Variants in EDN3 observed in about 807,000 individuals in gnomAD.
EDN3 encodes endothelin-3.
A neutral mutation model predicts 21.4 loss-of-function variants in EDN3; 9 were observed. The ratio of observed to expected loss-of-function variants is 0.42; its 90% CI spans 0.25 to 0.73. The LOEUF is 0.73. EDN3 is among the 30% of genes least tolerant of loss of function. EDN3 has a pLI of 0.26. For synonymous variants in EDN3, 133 were observed against 126.2 expected, an observed-to-expected ratio of 1.05 and a Z score of -0.36; for missense variants, 327 against 309.4, an observed-to-expected ratio of 1.06 and a Z score of -0.43.
At chr20:59,302,522 T>C (rs530057458) in intron 2 of EDN3, among the ~76,000 whole-genome samples, 1 of 152,196 alleles carries the variant, frequency 6.6e-6, no homozygotes, top group African/African-American at 2.4e-5. Context: ...TGACTCCCAG[T>C]GTTCAGGGAA....
intron 2 of EDN3, among the ~76,000 whole-genome samples, chr20:59,314,539 G>A (rs1307210246): frequency 6.6e-6 from 1 of 152,040 alleles, no homozygotes; most frequent in East Asian, 1.9e-4. Flanking sequence ...ACAAGGAGGG[G>A]CGGGGCTGCT....
intron 2 of EDN3, among the ~76,000 whole-genome samples, chr20:59,311,842 AG>A (rs1418787953): frequency 6.6e-6 from 1 of 152,134 alleles, no homozygotes; most frequent in East Asian, 1.9e-4. Flanking sequence ...AGCTACCAAA[AG>A]GGCATTACAC....
chr20:59,320,358 T>C (rs149768), intron 2 of EDN3, among the ~76,000 whole-genome samples: 20,381 of 152,256 alleles, frequency 0.13, 3,856 homozygotes, highest in African/African-American at 0.42. Flanking sequence ...ATGGAAGAAA[T>C]TCAGTCAGAA....
chr20:59,303,139 A>C (rs1012065585), intron 2 of EDN3, among the ~76,000 whole-genome samples: 1 of 152,264 alleles, frequency 6.6e-6, no homozygotes, highest in Admixed American at 6.5e-5. Context: ...GAAATCCTTA[A>C]TACTTTCTGA....
chr20:59,301,582 C>A lies in EDN3; in HGVS notation c.225C>A (p.Ser75Arg). Residue 75 changes from serine to arginine, a missense_variant, in exon 2 of 5, where the codon AGC (serine) becomes AGA (arginine). Coordinates refer to ENST00000337938, the MANE Select transcript of EDN3 (RefSeq NM_207034.3). ...TVAPTALQGP[S>R]PGSPGQEQAA... Reference sequence around the variant, plus strand: ...CCCCGACAGCACTGCAGGGTCCAAGCCCTGGAAGCCCTGGGCAGGAGCAGG... The same window carrying A: ...CCCCGACAGCACTGCAGGGTCCAAGACCTGGAAGCCCTGGGCAGGAGCAGG... The A allele has an allele frequency of 1.2e-6, 2 of 1,613,892 alleles. No individual in the cohort carries two copies. The highest frequency in any genetic ancestry group is 1.7e-6 in the Non-Finnish European group (2 of 1,179,942).
intron 2 of EDN3, among the ~76,000 whole-genome samples, chr20:59,303,245 A>G (rs1989170276): frequency 6.6e-6 from 1 of 152,194 alleles, no homozygotes; most frequent in South Asian, 2.1e-4. Context: ...GTCCACCTAG[A>G]GGATGGGAGG....
At chr20:59,317,111 C>G (rs888732880) in intron 2 of EDN3, among the ~76,000 whole-genome samples, 1 of 152,206 alleles carries the variant, frequency 6.6e-6, no homozygotes, top group Non-Finnish European at 1.5e-5. Flanking sequence ...CATGGTCCAC[C>G]GTTAGGTCTT....
In EDN3 at chr20:59,324,390, G is replaced by T; in HGVS notation, c.648G>T (p.Met216Ile). 6.2e-7 allele frequency: 1 copy of T among 1,614,002 alleles called. No individual in the cohort carries two copies. The highest frequency in any genetic ancestry group is 8.5e-7 in the Non-Finnish European group (1 of 1,180,014). Residue 216 changes from methionine (M) to isoleucine (I), a missense_variant, in exon 5 of 5, where the codon ATG (methionine) becomes ATT (isoleucine). Transcript: ENST00000337938. ...TAGACCTCCACCATCCAAAGCTCAT[G>T]CCCGGCAGTGGACTCGCCCTCGCTC... ...QALDLHHPKLMPGSGLALAPS... is the reference protein window; with the variant it reads ...QALDLHHPKLIPGSGLALAPS...
intron 2 of EDN3, among the ~76,000 whole-genome samples, chr20:59,303,756 C>G (rs1989206340): frequency 1.3e-5 from 2 of 152,172 alleles, no homozygotes; most frequent in African/African-American, 2.4e-5. Context: ...TCGAGTTTGT[C>G]CTGAAATGAA....
At chr20:59,316,175 ACT>A (rs1466601322) in intron 2 of EDN3, among the ~76,000 whole-genome samples, 5 of 152,224 alleles carry the variant, frequency 3.3e-5, no homozygotes, top group Admixed American at 2.0e-4. Flanking sequence ...ACAGAGTGAG[ACT>A]CTGTCTCAAA....
intron 4 of EDN3, chr20:59,323,672 T>A (rs1990680594): frequency 2.5e-6 from 1 of 399,734 alleles, no homozygotes; most frequent in African/African-American, 2.1e-5. Context: ...CCAGGTGACC[T>A]GAAGGAAGGC....
intron 2 of EDN3, among the ~76,000 whole-genome samples, chr20:59,302,025 G>A (rs548624690): frequency 6.6e-6 from 1 of 152,298 alleles, no homozygotes; most frequent in South Asian, 2.1e-4. Flanking sequence ...TACCTGAGAT[G>A]TCTCTCTGAG....
rs557145339 is a variant in EDN3 at position 59,303,538 on chromosome 20, C to A, written c.365+1816C>A. Among the ~76,000 whole-genome samples the A allele has an allele frequency of 8.5e-5, 13 of 152,330 alleles. No homozygotes were observed. The South Asian group carries it at 2.7e-3, about 32-fold the overall frequency. ...AGAAAGAAGAAAGCTAATGGAATTA[C>A]AGACAGGAACCTGGGGTGGTGGGCA... On this transcript the variant is annotated intron_variant, in intron 2 of 4. Coordinates refer to ENST00000337938, the MANE Select transcript of EDN3 (RefSeq NM_207034.3).
chr20:59,321,602 A>C (rs931242383), intron 3 of EDN3, among the ~76,000 whole-genome samples: 1 of 149,932 alleles, frequency 6.7e-6, no homozygotes, highest in Non-Finnish European at 1.5e-5. Context: ...CAAAAGGCTT[A>C]TTGGGAGGGG....
In EDN3 at chr20:59,324,430, C is replaced by A. The variant is rs372958987; in HGVS notation, c.688C>A (p.Arg230Ser). 6.8e-6 allele frequency: 11 copies of A among 1,614,150 alleles called. No homozygotes were observed. The South Asian group carries it at 1.2e-4, about 18-fold the overall frequency. The stretch of plus-strand genomic sequence containing the variant: ...CGCCCTCGCTCCATCTACCTGCCCC[C>A]GCTGCCTCTTTCAGGAAGGAGCCCC... The part of the protein sequence containing the change: ...GLALAPSTCP[R>S]CLFQEGAP Residue 230 changes from arginine to serine, a missense_variant, in exon 5 of 5, where the codon CGC becomes AGC. Coordinates refer to ENST00000337938, the MANE Select transcript of EDN3 (RefSeq NM_207034.3).
chr20:59,301,282 C>A, intron 1 of EDN3, 128 bp from the exon 2 acceptor site: 1 of 1,161,624 alleles, frequency 8.6e-7, no homozygotes, highest in Non-Finnish European at 1.2e-6. Flanking sequence ...TTTTCAGAAA[C>A]TGCGCAGAGC....
chr20:59,318,062 A>G (rs1193365376), intron 2 of EDN3, among the ~76,000 whole-genome samples: 1 of 152,136 alleles, frequency 6.6e-6, no homozygotes, highest in East Asian at 1.9e-4. Context: ...CCTCTTCAAG[A>G]CCATGTTCCA....
At chr20:59,311,071 G>A (rs976085805) in intron 2 of EDN3, among the ~76,000 whole-genome samples, 2 of 152,024 alleles carry the variant, frequency 1.3e-5, no homozygotes, top group Admixed American at 6.6e-5. Flanking sequence ...ATTCATAATC[G>A]ACCAAATATT....
chr20:59,306,351 G>C (rs1989408602), intron 2 of EDN3, among the ~76,000 whole-genome samples: 1 of 152,132 alleles, frequency 6.6e-6, no homozygotes, highest in Admixed American at 6.5e-5. Context: ...TCCTGGCCAT[G>C]ACTATCTGTG....
Sources: gnomAD v4.1 joint callset for allele counts (sites outside exome capture counted in the v4.1 genomes callset) on GRCh38, gnomAD v4.1.1 for gene constraint, MANE v1.5 for transcripts, NCBI Gene and HGNC (gene_info 2026-07-23, HGNC 2026-07-21) for gene names.